Variants in SLC38A5 observed in about 807,000 individuals in gnomAD.
SLC38A5 encodes the protein sodium-coupled neutral amino acid transporter 5.
Under a neutral mutation model 34.6 loss-of-function variants are expected in SLC38A5, and 9 were observed. That is an observed-to-expected ratio of 0.26 (90% CI 0.16 to 0.45). The LOEUF (loss-of-function observed/expected upper bound fraction) is 0.45. SLC38A5 is among the 20% of genes least tolerant of loss of function. The pLI, the probability that SLC38A5 is intolerant of heterozygous loss-of-function variation, is 1.00. For missense variants in SLC38A5, 253 were observed against 394.7 expected (o/e 0.64, Z 3.04); for synonymous variants, 157 against 155.6 (o/e 1.01, Z -0.07).
intron 4 of SLC38A5, chrX:48,467,493 G>A: frequency 2.3e-6 from 1 of 442,333 alleles, no homozygotes; most frequent in Non-Finnish European, 3.9e-6. Flanking sequence ...CCGAAGAGCG[G>A]GTGGGGAGAA....
At chrX:48,467,508 G>C (rs2061486977) in intron 4 of SLC38A5, 8 of 449,420 alleles carry the variant, frequency 1.8e-5, no homozygotes, top group Non-Finnish European at 3.1e-5. Context: ...GGAGAAACAA[G>C]GCCAGGGAGA....
rs367579115 is a variant in SLC38A5, at chrX:48,458,702, C to T, written c.*231G>A. On this transcript the variant is annotated 3_prime_UTR_variant, in exon 17 of 17. Coordinates refer to ENST00000620913, the MANE Select transcript of SLC38A5 (RefSeq NM_033518.4). ...CCTCCTCCTCCTCCTCCTCTTCTTC[C>T]TCCTCCTCCTCCTCCCATGGGGTTG... The T allele has an allele frequency of 0.018, 8,590 of 490,177 alleles. 753 individuals carry two copies. The African/African-American group carries it at 0.22, about 12-fold the overall frequency. 40.4% of individuals were successfully genotyped at this position (490,177 alleles called of 1,213,427 possible). A position where few individuals can be genotyped will look rare whatever the true frequency, so the allele number is the denominator to read the frequency against.
chrX:48,459,563 C>A lies in SLC38A5; in HGVS notation c.1290G>T (p.Glu430Asp). The A allele has an allele frequency of 8.9e-7, 1 of 1,124,059 alleles. No individual in the cohort carries two copies. The highest frequency in any genetic ancestry group is 3.2e-5 in the Admixed American group (1 of 31,349). 92.6% of individuals were successfully genotyped at this position (1,124,059 alleles called of 1,213,427 possible). A position where few individuals can be genotyped will look rare whatever the true frequency, so the allele number is the denominator to read the frequency against. ...GGATCTTGGGCCAGGATAAGAAAGG[C>A]TCCACCTCAGAGGGTACAATGCGGA... The part of the protein sequence containing the change: ...FYLRIVPSEV[E>D]PFLSWPKIQA... Residue 430 changes from glutamate to aspartate, a missense_variant, in exon 16 of 17, where the codon GAG (glutamate) becomes GAT (aspartate). Glu to Asp is a conservative substitution (Grantham distance 45). Transcript: ENST00000620913.
At position 48,459,559 on chromosome X, in the gene SLC38A5, A is replaced by G. The variant is rs1556961375; in HGVS notation, c.1294T>C (p.Phe432Leu). 8.9e-7 allele frequency: 1 copy of G among 1,120,877 alleles called. No individual in the cohort carries two copies. Among genetic ancestry groups the G allele is most frequent in the East Asian group, 3.1e-5 (1 of 32,366 alleles). The allele number at this position is 1,120,877 out of a possible 1,213,427, so 92.4% of individuals were successfully genotyped here. ...LRIVPSEVEP[F>L]LSWPKIQALC... ...ACCTGGATCTTGGGCCAGGATAAGAAAGGCTCCACCTCAGAGGGTACAATG... is the reference window on the plus strand; with the variant it reads ...ACCTGGATCTTGGGCCAGGATAAGAGAGGCTCCACCTCAGAGGGTACAATG... Residue 432 changes from phenylalanine (F) to leucine (L), a missense_variant, in exon 16 of 17, where the codon TTC becomes CTC. By Grantham distance (22) the Phe-to-Leu change is conservative. This residue lies in a region of SLC38A5 where 176 missense variants were observed against 273.0 expected (regional missense o/e 0.64). Transcript: ENST00000620913.
Position 48,458,911 on chromosome X carries a change from G to A in SLC38A5, c.*22C>T, listed in dbSNP as rs781987629. 8.5e-7 allele frequency: 1 copy of A among 1,170,054 alleles called. No homozygotes were observed. Among genetic ancestry groups the A allele is most frequent in the South Asian group, 1.9e-5 (1 of 52,544 alleles). On this transcript the variant is annotated 3_prime_UTR_variant, in exon 17 of 17. Transcript: ENST00000620913. ...ACCCCTCCATGTGCATGCGCACAGG[G>A]ACCTGGGCCAGCAGGGCCTGATCAG...
At chrX:48,468,887 A>C in intron 2 of SLC38A5, 3 of 752,215 alleles carry the variant, frequency 4.0e-6, no homozygotes, top group Non-Finnish European at 4.7e-6. Context: ...TGGCCTACCG[A>C]GTTTCCTGGG....
intron 8 of SLC38A5, 66 bp downstream of exon 8, chrX:48,465,949 T>C: frequency 3.1e-6 from 3 of 952,454 alleles, no homozygotes; most frequent in Non-Finnish European, 4.3e-6. Flanking sequence ...GCGCTGAAGA[T>C]ACTGACCGGG....
chrX:48,462,253 T>C lies in SLC38A5; in HGVS notation c.613A>G (p.Met205Val). 8.3e-7 allele frequency: 1 copy of C among 1,210,770 alleles called. No individual in the cohort carries two copies. The highest frequency in any genetic ancestry group is 1.1e-6 in the Non-Finnish European group (1 of 895,122). ...CTCACCGAAACAAGGAAAAACAGCA[T>C]GCAGGTCAGAGAGAGACCACTGGTG... ...GYTSGLSLTC[M>V]LFFLVSVIYK... Residue 205 changes from methionine (M) to valine (V), a missense_variant, in exon 10 of 17, where the codon ATG becomes GTG. Met to Val is a conservative substitution (Grantham distance 21). Around this residue, in one of 3 missense-constraint regions of SLC38A5, gnomAD observed 176 missense variants for 273.0 expected, o/e 0.64. Coordinates refer to ENST00000620913, the MANE Select transcript of SLC38A5 (RefSeq NM_033518.4).
At chrX:48,462,773 C>T (rs2061443508) in intron 9 of SLC38A5, 125 bp downstream of exon 9, 1 of 550,722 alleles carries the variant, frequency 1.8e-6, no homozygotes, top group Non-Finnish European at 2.9e-6. Context: ...CTAATCTGTT[C>T]AAGCCCACAT....
Position 48,458,697 on chromosome X carries a change from T to TCCC in SLC38A5, c.*235_*236insGGG. 1 of 998,796 alleles carries TCCC rather than the reference T, an allele frequency of 1.0e-6. No individual in the cohort carries two copies. The highest frequency in any genetic ancestry group is 2.0e-5 in the African/African-American group (1 of 49,978). The allele number at this position is 998,796 out of a possible 1,213,427, so 82.3% of individuals were successfully genotyped here. On this transcript the variant is annotated 3_prime_UTR_variant, in exon 17 of 17. Transcript: ENST00000620913. ...CTCCTCCTCCTCCTCCTCCTCCTCT[T>TCCC]CTTCCTCCTCCTCCTCCTCCCATGG...
intron 2 of SLC38A5, chrX:48,468,380 C>T (rs1412346829): frequency 3.9e-6 from 3 of 765,668 alleles, no homozygotes; most frequent in African/African-American, 2.4e-5. Flanking sequence ...CCACCCTCAC[C>T]GCGTGGCCAG....
intron 2 of SLC38A5, 127 bp from the exon 3 acceptor site, chrX:48,468,052 CA>C: frequency 1.2e-6 from 1 of 814,247 alleles, no homozygotes; most frequent in Non-Finnish European, 1.7e-6. Flanking sequence ...AGAGACAAGG[CA>C]GGGGAGCAGG....
intron 2 of SLC38A5, chrX:48,468,170 G>C (rs1644460711): frequency 9.7e-7 from 1 of 1,029,875 alleles, no homozygotes; most frequent in Admixed American, 4.2e-5. Flanking sequence ...TACTCAGAGA[G>C]ACACAGAGAG....
chrX:48,463,595 G>A (rs1186979949), intron 8 of SLC38A5, among the ~76,000 whole-genome samples: 1 of 106,662 alleles, frequency 9.4e-6, no homozygotes, highest in Non-Finnish European at 1.9e-5. Context: ...GACAAAGGGA[G>A]ACTCTGTCTC....
At position 48,461,990 on chromosome X, in the gene SLC38A5, C is replaced by A. The variant is rs782196527; in HGVS notation, c.771+17G>T. ...GGCCTGAGTGTGATGCAATCTCCTA[C>A]ATGCCTGCACACACACCTGTGAGTC... On this transcript the variant is annotated intron_variant, in intron 11 of 16. Coordinates refer to ENST00000620913, the MANE Select transcript of SLC38A5 (RefSeq NM_033518.4). 8.7e-7 allele frequency: 1 copy of A among 1,147,189 alleles called. No individual in the cohort carries two copies. The highest frequency in any genetic ancestry group is 2.1e-5 in the South Asian group (1 of 47,128). The allele number at this position is 1,147,189 out of a possible 1,213,427, so 94.5% of individuals were successfully genotyped here.
At chrX:48,463,669 C>T (rs1266743185) in intron 8 of SLC38A5, among the ~76,000 whole-genome samples, 22 of 101,850 alleles carry the variant, frequency 2.2e-4, no homozygotes, top group African/African-American at 7.2e-4. Context: ...CCCAGCTACT[C>T]GCGAGGCTGA....
intron 14 of SLC38A5, 99 bp from the exon 15 acceptor site, chrX:48,459,975 T>C: frequency 9.5e-7 from 1 of 1,047,524 alleles, no homozygotes; most frequent in Non-Finnish European, 1.3e-6. Flanking sequence ...CTGAGATCCC[T>C]GATTTCCCCT....
At position 48,462,970 on chromosome X, in the gene SLC38A5, A is replaced by T. The variant is rs2061444994; in HGVS notation, c.502T>A (p.Leu168Met). 2 of 1,202,990 alleles carry T rather than the reference A, an allele frequency of 1.7e-6. No individual in the cohort carries two copies. The highest frequency in any genetic ancestry group is 2.2e-6 in the Non-Finnish European group (2 of 890,687). The change falls in exon 9 of 17, where the codon TTG (leucine) becomes ATG (methionine). Residue 168 changes from leucine (L) to methionine (M), a missense_variant. Leu to Met is a conservative substitution (Grantham distance 15). Transcript: ENST00000620913. ...ATGATGATGAGGAGGTTTCCCTTCA[A>T]GAACCAGTCCCTAGAGAGACAGGAA... ...LYMDPEGDWF[L>M]KGNLLIIIVS...
chrX:48,466,777 G>A (rs1556963471), intron 6 of SLC38A5, 22 bp downstream of exon 6: 4 of 1,179,718 alleles, frequency 3.4e-6, no homozygotes, highest in Non-Finnish European at 3.4e-6. Flanking sequence ...GTGGGGACTG[G>A]GATCCAGGCT....
Sources: gnomAD v4.1 joint callset for allele counts (sites outside exome capture counted in the v4.1 genomes callset) on GRCh38, gnomAD v4.1.1 for gene constraint, gnomAD v4.1.1 regional missense constraint, MANE v1.5 for transcripts, NCBI Gene and HGNC (gene_info 2026-07-23, HGNC 2026-07-21) for gene names.